The following PDE8A variants were observed in gnomAD, a reference collection of about 807,000 sequenced individuals.
PDE8A encodes high affinity cAMP-specific and IBMX-insensitive 3',5'-cyclic phosphodiesterase 8A.
PDE8A carries 59 observed loss-of-function variants against 105.0 expected under a neutral mutation model. That is an observed-to-expected ratio of 0.56 (90% CI 0.46 to 0.70). PDE8A has a LOEUF of 0.70. Among genes scored for constraint, PDE8A ranks in the 30% least tolerant of loss-of-function variants. The pLI, the probability that PDE8A is intolerant of heterozygous loss-of-function variation, is 0.00. For missense variants in PDE8A, 1,014 were observed against 1,045.9 expected (o/e 0.97, Z 0.42); for synonymous variants, 355 against 371.9 (o/e 0.95, Z 0.52).
chr15:85,126,276 C>T lies in PDE8A; in HGVS notation c.2155C>T (p.Arg719Ter), dbSNP rs951040608. 1.2e-6 allele frequency: 2 copies of T among 1,612,624 alleles called. No homozygotes were observed. Among genetic ancestry groups the T allele is most frequent in the African/African-American group, 2.7e-5 (2 of 74,698 alleles). Reference sequence around the variant, plus strand: ...TCCAGAGAACCGGACCCTAATCAAACGAATGCTGATTAAATGTGCTGATGT... The same window carrying T: ...TCCAGAGAACCGGACCCTAATCAAATGAATGCTGATTAAATGTGCTGATGT... ...RTPENRTLIK[R>*]MLIKCADVSN... The change falls in exon 20 of 22, where the codon CGA becomes TGA. Residue 719 changes from arginine (R) to a stop codon, truncating the protein, a stop_gained. Coordinates refer to ENST00000394553, the MANE Select transcript of PDE8A (RefSeq NM_002605.3). LOFTEE classifies it high-confidence loss of function.
chr15:85,075,359 T>G (rs1166389689), intron 3 of PDE8A, among the ~76,000 whole-genome samples: 1 of 152,202 alleles, frequency 6.6e-6, no homozygotes, highest in Non-Finnish European at 1.5e-5. Context: ...TAGTTTTGGA[T>G]TATTTTTGGT....
chr15:85,109,724 T>G (rs536424204), intron 12 of PDE8A, among the ~76,000 whole-genome samples: 17 of 152,326 alleles, frequency 1.1e-4, no homozygotes, highest in Middle Eastern at 6.8e-3. Flanking sequence ...CTGGTTGTAC[T>G]GGTTCAAAAG....
intron 1 of PDE8A, among the ~76,000 whole-genome samples, chr15:85,019,330 A>T (rs1219561874): frequency 6.6e-6 from 1 of 152,242 alleles, no homozygotes; most frequent in Non-Finnish European, 1.5e-5. Flanking sequence ...TCTTGAAAAT[A>T]CTACAGTCAA....
intron 1 of PDE8A, among the ~76,000 whole-genome samples, chr15:85,008,403 G>A (rs1231989622): frequency 6.6e-6 from 1 of 151,866 alleles, no homozygotes; most frequent in Non-Finnish European, 1.5e-5. Context: ...TTGAACCTTA[G>A]CTATATCTGC....
At chr15:84,997,473 G>T (rs1180589364) in intron 1 of PDE8A, among the ~76,000 whole-genome samples, 2 of 151,936 alleles carry the variant, frequency 1.3e-5, no homozygotes, top group East Asian at 3.9e-4. Context: ...TGGGATTACA[G>T]ATATGAGCCA....
chr15:85,056,578 C>T (rs998121338), intron 1 of PDE8A, among the ~76,000 whole-genome samples: 2 of 152,118 alleles, frequency 1.3e-5, no homozygotes, highest in Admixed American at 1.3e-4. Context: ...GTCACTGATA[C>T]CCCTTCTTCC....
chr15:85,027,922 G>C (rs1212360929), intron 1 of PDE8A, among the ~76,000 whole-genome samples: 1 of 152,052 alleles, frequency 6.6e-6, no homozygotes, highest in Non-Finnish European at 1.5e-5. Context: ...TTTAAACTTA[G>C]ATGAACACAT....
rs555880944 is a variant in PDE8A at position 85,023,570 on chromosome 15, G to A, written c.187-40800G>A. 3.3e-5 allele frequency among the ~76,000 whole-genome samples: 5 copies of A among 152,206 alleles called. No individual in the cohort carries two copies. In the East Asian group the frequency reaches 7.7e-4, roughly 23 times the overall value. ...GGTAAAAGAGTGAATGTCTTGAGAA[G>A]GTCAGAGAATTATTGGAGGAGGAAT... On this transcript the variant is annotated intron_variant, in intron 1 of 21. Coordinates refer to ENST00000394553, the MANE Select transcript of PDE8A (RefSeq NM_002605.3).
At chr15:85,064,284 AT>A in intron 1 of PDE8A, 85 bp from the exon 2 acceptor site, 2 of 936,396 alleles carry the variant, frequency 2.1e-6, no homozygotes, top group South Asian at 1.6e-5. Flanking sequence ...TTTTGCTTTC[AT>A]TTTTGGCACT....
chr15:85,103,208 A>C (rs2081894112), intron 11 of PDE8A, among the ~76,000 whole-genome samples: 4 of 152,172 alleles, frequency 2.6e-5, no homozygotes. Flanking sequence ...GGCGACAGCA[A>C]GACTCTGTCT....
At chr15:84,995,622 A>G (rs1034641384) in intron 1 of PDE8A, among the ~76,000 whole-genome samples, 3 of 152,134 alleles carry the variant, frequency 2.0e-5, no homozygotes, top group Non-Finnish European at 4.4e-5. Context: ...CGCCCAGTGT[A>G]TGTACTTTTA....
At chr15:85,120,137 A>C (rs2082157868) in intron 17 of PDE8A, 1 of 121,372 alleles carries the variant, frequency 8.2e-6, no homozygotes, top group South Asian at 2.6e-4. Context: ...AGAAGTAAAA[A>C]AACAAAAAAA....
chr15:84,984,990 G>T (rs1346413832), intron 1 of PDE8A, among the ~76,000 whole-genome samples: 1 of 152,034 alleles, frequency 6.6e-6, no homozygotes, highest in East Asian at 1.9e-4. Flanking sequence ...GCCTATACTG[G>T]CTCAGACTAA....
rs753742374 is a variant in PDE8A at position 85,138,145 on chromosome 15, A to G, written c.*242A>G. 4.0e-5 allele frequency: 17 copies of G among 426,328 alleles called. No individual in the cohort carries two copies. The highest frequency in any genetic ancestry group is 7.2e-5 in the Non-Finnish European group (17 of 236,948). The allele number at this position is 426,328 out of a possible 1,614,324, so 26.4% of individuals were successfully genotyped here. On this transcript the variant is annotated 3_prime_UTR_variant, in exon 22 of 22. Coordinates refer to ENST00000394553, the MANE Select transcript of PDE8A (RefSeq NM_002605.3). ...CAGGAGCTCTTCAGAAAGGCACATG[A>G]GGACCACGGTTTGCCTCAGTTTCTG...
chr15:85,040,581 G>C (rs1376865783), intron 1 of PDE8A, among the ~76,000 whole-genome samples: 3 of 110,346 alleles, frequency 2.7e-5, no homozygotes, highest in African/African-American at 3.9e-5. Flanking sequence ...TTTTTTTTGA[G>C]ACGGAGTCTG....
chr15:85,113,765 C>A, intron 13 of PDE8A, 108 bp from the exon 14 acceptor site: 1 of 821,690 alleles, frequency 1.2e-6, no homozygotes, highest in Non-Finnish European at 1.9e-6. Flanking sequence ...AGTAATTCTC[C>A]CACCTCAGCC....
At chr15:85,025,783 G>A (rs1176463443) in intron 1 of PDE8A, among the ~76,000 whole-genome samples, 3 of 152,152 alleles carry the variant, frequency 2.0e-5, no homozygotes, top group Admixed American at 6.5e-5. Context: ...TTGGCACAAG[G>A]ACATCAGGTT....
intron 3 of PDE8A, among the ~76,000 whole-genome samples, chr15:85,074,180 A>G (rs914495385): frequency 6.6e-6 from 1 of 152,208 alleles, no homozygotes; most frequent in African/African-American, 2.4e-5. Flanking sequence ...ATGTGTTGTT[A>G]GATTCAGCCT....
chr15:84,992,968 C>T (rs1004650964), intron 1 of PDE8A, among the ~76,000 whole-genome samples: 1 of 152,092 alleles, frequency 6.6e-6, no homozygotes, highest in Admixed American at 6.6e-5. Context: ...TTTGTGGTGA[C>T]CACTTACAGA....
Sources: gnomAD v4.1 joint callset for allele counts (sites outside exome capture counted in the v4.1 genomes callset) on GRCh38, gnomAD v4.1.1 for gene constraint, MANE v1.5 for transcripts, NCBI Gene and HGNC (gene_info 2026-07-23, HGNC 2026-07-21) for gene names.